The following POU2F1 variants were observed in gnomAD, a reference collection of about 807,000 sequenced individuals.
POU2F1 encodes the protein POU class 2 homeobox 1.
A neutral mutation model predicts 84.9 loss-of-function variants in POU2F1; 16 were observed. That is an observed-to-expected ratio of 0.19 (90% CI 0.13 to 0.29). The LOEUF (loss-of-function observed/expected upper bound fraction) is 0.29. POU2F1 is among the 10% of genes least tolerant of loss of function. POU2F1 has a pLI of 1.00. For synonymous variants in POU2F1, 368 were observed against 368.3 expected, an observed-to-expected ratio of 1.00 and a Z score of 0.01; for missense variants, 738 against 942.6, an observed-to-expected ratio of 0.78 and a Z score of 2.84.
chr1:167,323,688 C>CTATGTATT (rs1553208232), intron 1 of POU2F1, among the ~76,000 whole-genome samples: 10 of 152,022 alleles, frequency 6.6e-5, no homozygotes, highest in African/African-American at 2.2e-4. Context: ...TTTAATCACA[C>CTATGTATT]TATTTATTTA....
intron 1 of POU2F1, among the ~76,000 whole-genome samples, chr1:167,261,422 G>A (rs188543158): frequency 7.9e-5 from 12 of 152,298 alleles, no homozygotes; most frequent in East Asian, 3.9e-4. Context: ...GAGCATGAAC[G>A]GTTGTAGGTT....
intron 1 of POU2F1, among the ~76,000 whole-genome samples, chr1:167,290,944 G>A (rs913895754): frequency 3.9e-5 from 6 of 151,934 alleles, no homozygotes; most frequent in African/African-American, 1.5e-4. Context: ...TACTGGGGAG[G>A]CTAAGGCAGG....
At chr1:167,328,882 CGAG>C (rs1056813232) in intron 1 of POU2F1, among the ~76,000 whole-genome samples, 6 of 152,114 alleles carry the variant, frequency 3.9e-5, no homozygotes, top group African/African-American at 9.7e-5. Context: ...GCTGTGCTAA[CGAG>C]GAGAGATTTG....
At chr1:167,240,496 A>C (rs992201722) in intron 1 of POU2F1, among the ~76,000 whole-genome samples, 2 of 152,224 alleles carry the variant, frequency 1.3e-5, no homozygotes, top group Non-Finnish European at 2.9e-5. Context: ...AAATATTTAA[A>C]ATAATGAAAT....
intron 1 of POU2F1, among the ~76,000 whole-genome samples, chr1:167,228,569 A>C (rs1167587811): frequency 6.6e-6 from 1 of 152,210 alleles, no homozygotes; most frequent in Non-Finnish European, 1.5e-5. Context: ...TCTTATGGAC[A>C]CTGAATTGTC....
At chr1:167,370,081 G>A (rs1451397300) in intron 3 of POU2F1, 80 bp from the exon 4 acceptor site, 2 of 1,233,824 alleles carry the variant, frequency 1.6e-6, no homozygotes, top group African/African-American at 1.5e-5. Flanking sequence ...GTGACACATA[G>A]TAGACTTTAT....
At chr1:167,267,630 CTTTTTT>C (rs71073658) in intron 1 of POU2F1, among the ~76,000 whole-genome samples, 135 of 70,480 alleles carry the variant, frequency 1.9e-3, no homozygotes, top group Admixed American at 3.1e-3. Context: ...GTTACTGTGT[CTTTTTT>C]TTTTTTTTTT....
intron 1 of POU2F1, among the ~76,000 whole-genome samples, chr1:167,255,797 C>G (rs1651088007): frequency 6.6e-6 from 1 of 152,144 alleles, no homozygotes; most frequent in South Asian, 2.1e-4. Context: ...AATTTCTCAC[C>G]TATATGAAGA....
chr1:167,288,444 T>C (rs1411254333), intron 1 of POU2F1, among the ~76,000 whole-genome samples: 1 of 152,204 alleles, frequency 6.6e-6, no homozygotes, highest in Non-Finnish European at 1.5e-5. Context: ...TGGCTAGGTT[T>C]CTTAAAAGTT....
chr1:167,292,553 C>T (rs1654003935), intron 1 of POU2F1, among the ~76,000 whole-genome samples: 1 of 148,840 alleles, frequency 6.7e-6, no homozygotes, highest in Non-Finnish European at 1.5e-5. Context: ...TTCTACCAAA[C>T]ATTAAAGAAG....
At chr1:167,277,442 G>C (rs917331639) in intron 1 of POU2F1, among the ~76,000 whole-genome samples, 2 of 149,536 alleles carry the variant, frequency 1.3e-5, no homozygotes, top group Admixed American at 1.3e-4. Context: ...AATTGAATCT[G>C]TTCAGAATGT....
intron 9 of POU2F1, among the ~76,000 whole-genome samples, chr1:167,394,859 A>G (rs1299393996): frequency 6.6e-6 from 1 of 152,184 alleles, no homozygotes; most frequent in Admixed American, 6.5e-5. Flanking sequence ...CCCAACTACC[A>G]CCTAATAAAA....
chr1:167,308,948 A>G (rs537861083), intron 1 of POU2F1, among the ~76,000 whole-genome samples: 1 of 152,288 alleles, frequency 6.6e-6, no homozygotes, highest in East Asian at 1.9e-4. Context: ...TTATATCTGT[A>G]TGGACTCATG....
At chr1:167,372,792 C>G (rs1056563164) in intron 5 of POU2F1, among the ~76,000 whole-genome samples, 2 of 152,166 alleles carry the variant, frequency 1.3e-5, no homozygotes, top group Admixed American at 6.5e-5. Context: ...TCTAAGGCAC[C>G]ATTCAAAATA....
At chr1:167,240,394 G>C (rs575026300) in intron 1 of POU2F1, among the ~76,000 whole-genome samples, 2 of 152,306 alleles carry the variant, frequency 1.3e-5, no homozygotes, top group African/African-American at 4.8e-5. Flanking sequence ...AGAAAAAAGA[G>C]TAAGAGTTGA....
At chr1:167,311,362 A>G (rs754184811) in intron 1 of POU2F1, among the ~76,000 whole-genome samples, 1 of 152,134 alleles carries the variant, frequency 6.6e-6, no homozygotes, top group African/African-American at 2.4e-5. Flanking sequence ...GACTCCCCCA[A>G]ATCTGTATCT....
chr1:167,317,329 T>C (rs1003478273), intron 1 of POU2F1, among the ~76,000 whole-genome samples: 7 of 152,250 alleles, frequency 4.6e-5, no homozygotes, highest in Non-Finnish European at 1.0e-4. Context: ...GCTTAATATT[T>C]CTATTATTCA....
At chr1:167,344,664 CTTG>C (rs528216671) in intron 2 of POU2F1, among the ~76,000 whole-genome samples, 49 of 152,228 alleles carry the variant, frequency 3.2e-4, no homozygotes, top group Non-Finnish European at 5.4e-4. Flanking sequence ...ATCTCATAGT[CTTG>C]TTGTATACAC....
At chr1:167,287,813 G>T (rs1295876757) in intron 1 of POU2F1, among the ~76,000 whole-genome samples, 5 of 152,130 alleles carry the variant, frequency 3.3e-5, no homozygotes, top group Non-Finnish European at 4.4e-5. Context: ...CTCCAAGCGA[G>T]ATAGGTAAAA....
Sources: gnomAD v4.1 joint callset for allele counts (sites outside exome capture counted in the v4.1 genomes callset) on GRCh38, gnomAD v4.1.1 for gene constraint, MANE v1.5 for transcripts, NCBI Gene and HGNC (gene_info 2026-07-23, HGNC 2026-07-21) for gene names.